Variants in MTUS1 observed in about 807,000 individuals in gnomAD.
The protein encoded by MTUS1 is microtubule-associated tumor suppressor 1.
In MTUS1, 109 loss-of-function variants were observed where a neutral mutation model predicts 120.8. The ratio of observed to expected loss-of-function variants is 0.90; its 90% CI spans 0.77 to 1.06. MTUS1 has a LOEUF of 1.06. Ranked by LOEUF, MTUS1 falls within the 50% of genes least tolerant of loss-of-function variation. The pLI is 0.00. For missense variants in MTUS1, 2,210 were observed against 1,486.3 expected (o/e 1.49, Z -8.01); for synonymous variants, 737 against 550.5 (o/e 1.34, Z -4.74).
At chr8:17,690,537 C>T (rs1011636388) in intron 6 of MTUS1, among the ~76,000 whole-genome samples, 2 of 152,106 alleles carry the variant, frequency 1.3e-5, no homozygotes, top group Non-Finnish European at 2.9e-5. Context: ...TGCTGGGTAT[C>T]TTCCCAAAGG....
At chr8:17,800,818 T>G (rs2052626500) in intron 1 of MTUS1, 1 of 152,232 alleles carries the variant, frequency 6.6e-6, no homozygotes, top group Non-Finnish European at 1.5e-5. Context: ...TCGGTCACTT[T>G]CAAGGTGACA....
chr8:17,777,205 G>C (rs1315081337), intron 1 of MTUS1, among the ~76,000 whole-genome samples: 7 of 152,148 alleles, frequency 4.6e-5, no homozygotes, highest in Non-Finnish European at 5.9e-5. Flanking sequence ...GGGAGGTCAA[G>C]GTGGTTGGAT....
At chr8:17,782,991 T>C (rs1398272139) in intron 1 of MTUS1, among the ~76,000 whole-genome samples, 1 of 152,124 alleles carries the variant, frequency 6.6e-6, no homozygotes, top group Non-Finnish European at 1.5e-5. Context: ...GGCAGGAGAA[T>C]CGCTTAAACC....
intron 1 of MTUS1, among the ~76,000 whole-genome samples, chr8:17,786,869 C>G (rs995761444): frequency 6.6e-6 from 1 of 152,218 alleles, no homozygotes; most frequent in African/African-American, 2.4e-5. Context: ...GGCCACAGTA[C>G]ATCAGTTCTT....
Position 17,723,290 on chromosome 8 carries a change from C to G in MTUS1, c.2449+382G>C, listed in dbSNP as rs558978597. ...AATTAGGATTCAAGTTATATTAGTC[C>G]TATTACACAAAATCTAGCATCCAAA... On this transcript the variant is annotated intron_variant, in intron 4 of 14. Transcript: ENST00000693296. 11 of 267,462 alleles carry G rather than the reference C, an allele frequency of 4.1e-5. No individual in the cohort carries two copies. The East Asian group carries it at 7.8e-4, about 19-fold the overall frequency. The allele number at this position is 267,462 out of a possible 1,614,324, so 16.6% of individuals were successfully genotyped here.
At chr8:17,654,876 C>A in intron 9 of MTUS1, 1 of 571,250 alleles carries the variant, frequency 1.8e-6, no homozygotes, top group Non-Finnish European at 3.1e-6. Flanking sequence ...TCACTTGGAG[C>A]CCAGCAGTTC....
At chr8:17,737,083 T>C (rs1305798718) in intron 3 of MTUS1, among the ~76,000 whole-genome samples, 1 of 152,182 alleles carries the variant, frequency 6.6e-6, no homozygotes, top group Non-Finnish European at 1.5e-5. Flanking sequence ...AATGAAGAAT[T>C]CACATATGTC....
At chr8:17,781,992 G>A (rs1270061034) in intron 1 of MTUS1, among the ~76,000 whole-genome samples, 1 of 152,236 alleles carries the variant, frequency 6.6e-6, no homozygotes, top group African/African-American at 2.4e-5. Context: ...TCCAAGGACA[G>A]CGCCCTCTAA....
At chr8:17,693,671 AG>A (rs1174014169) in intron 6 of MTUS1, among the ~76,000 whole-genome samples, 1 of 152,142 alleles carries the variant, frequency 6.6e-6, no homozygotes, top group Admixed American at 6.5e-5. Flanking sequence ...CCAACTTAAA[AG>A]GCACTTCTAC....
At chr8:17,689,270 G>GT (rs1351723330) in intron 6 of MTUS1, among the ~76,000 whole-genome samples, 6 of 152,114 alleles carry the variant, frequency 3.9e-5, no homozygotes, top group Non-Finnish European at 7.3e-5. Flanking sequence ...TTTGTAGGGG[G>GT]AGGGAGGAGG....
chr8:17,713,950 A>G (rs943728179), intron 5 of MTUS1, among the ~76,000 whole-genome samples: 1 of 152,298 alleles, frequency 6.6e-6, no homozygotes, highest in South Asian at 2.1e-4. Context: ...GACATAACCT[A>G]TCCATTCAAT....
At chr8:17,672,340 G>C (rs28390218) in intron 8 of MTUS1, among the ~76,000 whole-genome samples, 7,659 of 152,204 alleles carry the variant, frequency 0.05, 638 homozygotes, top group African/African-American at 0.17. Context: ...CCTTGGGGCA[G>C]ACAATTAGCA....
chr8:17,731,272 G>C (rs139590702), intron 3 of MTUS1, among the ~76,000 whole-genome samples: 2 of 152,266 alleles, frequency 1.3e-5, no homozygotes, highest in African/African-American at 4.8e-5. Flanking sequence ...AGATCGTCTA[G>C]GTTCAAACCC....
intron 12 of MTUS1, 132 bp downstream of exon 12, chr8:17,653,043 TTACACACCTTA>T (rs1807371643): frequency 1.8e-6 from 1 of 565,464 alleles, no homozygotes; most frequent in Non-Finnish European, 3.1e-6. Flanking sequence ...AGCAGTTGTT[TTACACACCTTA>T]GAAAGCACAT....
At chr8:17,778,608 GGA>G (rs202167676) in intron 1 of MTUS1, among the ~76,000 whole-genome samples, 3,016 of 152,210 alleles carry the variant, frequency 0.02, 90 homozygotes, top group African/African-American at 0.068. Context: ...CTTGAGCCCA[GGA>G]GTTCTAGAGC....
Position 17,660,020 on chromosome 8 carries a change from C to T in MTUS1, c.2906-3955G>A, listed in dbSNP as rs572149122. On this transcript the variant is annotated intron_variant, in intron 8 of 14. Transcript: ENST00000693296. ...GTTTATTTCATTTAGCGTATGTCCT[C>T]AAGGCTCATCCAAGCTGTGGGATGT... is the stretch of plus-strand genomic sequence containing the variant. Among the ~76,000 whole-genome samples, 157 of 152,260 alleles carry T rather than the reference C, an allele frequency of 1.0e-3. 2 individuals carry two copies. The highest frequency in any genetic ancestry group is 3.4e-3 in the Middle Eastern group (1 of 294).
intron 3 of MTUS1, among the ~76,000 whole-genome samples, chr8:17,726,138 G>C (rs976027658): frequency 6.6e-6 from 1 of 152,062 alleles, no homozygotes; most frequent in Non-Finnish European, 1.5e-5. Context: ...TGAATCCAAA[G>C]TCAGCTCAAG....
chr8:17,745,775 A>T (rs1171740549), intron 2 of MTUS1, among the ~76,000 whole-genome samples: 1 of 152,146 alleles, frequency 6.6e-6, no homozygotes, highest in Non-Finnish European at 1.5e-5. Context: ...CTGTCCGGTT[A>T]TTCCTTTTCT....
intron 9 of MTUS1, among the ~76,000 whole-genome samples, chr8:17,655,551 C>G (rs1585428909): frequency 6.6e-6 from 1 of 152,072 alleles, no homozygotes. Flanking sequence ...TGGTGAAACC[C>G]CGTCTCTACT....
Sources: gnomAD v4.1 joint callset for allele counts (sites outside exome capture counted in the v4.1 genomes callset) on GRCh38, gnomAD v4.1.1 for gene constraint, MANE v1.5 for transcripts, NCBI Gene and HGNC (gene_info 2026-07-23, HGNC 2026-07-21) for gene names.